The following SCAP variants were observed in gnomAD, a reference collection of about 807,000 sequenced individuals.
SCAP encodes the protein sterol regulatory element-binding protein cleavage-activating protein.
In SCAP, 65 loss-of-function variants were observed where a neutral mutation model predicts 123.6. The ratio of observed to expected loss-of-function variants is 0.53; its 90% confidence interval spans 0.43 to 0.65. The LOEUF (loss-of-function observed/expected upper bound fraction) is 0.65, where lower values mean the gene tolerates loss of function less well. SCAP is among the 30% of genes least tolerant of loss of function. The pLI is 0.00. For synonymous variants in SCAP, 740 were observed against 726.3 expected, an observed-to-expected ratio of 1.02 and a Z score of -0.30; for missense variants, 1,398 against 1,712.5, an observed-to-expected ratio of 0.82 and a Z score of 3.24.
intron 1 of SCAP, among the ~76,000 whole-genome samples, chr3:47,470,995 T>C (rs1445431861): frequency 6.6e-6 from 1 of 152,112 alleles, no homozygotes; most frequent in Non-Finnish European, 1.5e-5. Context: ...TTAAAGGATA[T>C]AGATGAAACA....
rs373322375 is a variant in SCAP, at chr3:47,434,655, T to A, written c.252+353A>T. 2.6e-5 allele frequency among the ~76,000 whole-genome samples: 4 copies of A among 152,204 alleles called. No homozygotes were observed. In the South Asian group the frequency reaches 8.3e-4, roughly 32 times the overall value. On this transcript the variant is annotated intron_variant, in intron 3 of 22. Transcript: ENST00000265565. ...GAGTTCGAGACCAGCTTGGCCAACA[T>A]AGTGAAACTCCATCTCTAATAAAAA...
intron 18 of SCAP, 83 bp from the exon 19 acceptor site, chr3:47,415,263 G>A (rs1705522677): frequency 1.5e-6 from 2 of 1,299,294 alleles, no homozygotes; most frequent in African/African-American, 1.5e-5. Flanking sequence ...AGAGTTAAGG[G>A]CCAGTTCAAG....
At chr3:47,414,154 A>T (rs1241576421) in intron 22 of SCAP, 26 bp downstream of exon 22, 1 of 1,613,424 alleles carries the variant, frequency 6.2e-7, no homozygotes, top group Non-Finnish European at 8.5e-7. Flanking sequence ...AAATCCCAAG[A>T]ATCCTATGAT....
intron 1 of SCAP, among the ~76,000 whole-genome samples, chr3:47,467,554 G>C (rs1379306908): frequency 2.6e-5 from 4 of 151,876 alleles, no homozygotes; most frequent in African/African-American, 9.7e-5. Flanking sequence ...GCAGTCAACT[G>C]TGATTGCGCC....
At position 47,419,215 on chromosome 3, in the gene SCAP, T is replaced by C. The variant is rs1705782230; in HGVS notation, c.1940+113A>G. ...CACCAGTTCCCACCTCACAACCTTA[T>C]GAACTGTTTTAATTATTTGCATAAT... On this transcript the variant is annotated intron_variant, in intron 13 of 22. Coordinates refer to ENST00000265565, the MANE Select transcript of SCAP (RefSeq NM_012235.4). This position sits in a 1 kb window ranked among gnomAD's most constrained non-coding sequence, Gnocchi z 5.0. 1.5e-6 allele frequency: 2 copies of C among 1,366,928 alleles called. No individual in the cohort carries two copies. The highest frequency in any genetic ancestry group is 1.5e-5 in the African/African-American group (1 of 68,680). 84.7% of individuals were successfully genotyped at this position (1,366,928 alleles called of 1,614,324 possible).
At chr3:47,414,493 C>G in intron 21 of SCAP, 79 bp downstream of exon 21, 1 of 1,597,464 alleles carries the variant, frequency 6.3e-7, no homozygotes, top group Non-Finnish European at 8.6e-7. Context: ...CCTGGAAGGC[C>G]CCTGGGGACC....
intron 1 of SCAP, among the ~76,000 whole-genome samples, chr3:47,468,565 G>T (rs560863885): frequency 6.6e-6 from 1 of 152,274 alleles, no homozygotes; most frequent in Non-Finnish European, 1.5e-5. Flanking sequence ...TGATAGGGTT[G>T]TTTGATTTTT....
At chr3:47,422,603 C>T (rs1705952959) in intron 9 of SCAP, 67 bp from the exon 10 acceptor site, 1 of 1,349,276 alleles carries the variant, frequency 7.4e-7, no homozygotes, top group Non-Finnish European at 1.0e-6. Context: ...CACACAACCT[C>T]ATGGGCCTCG....
At chr3:47,464,165 C>A (rs1707744129) in intron 1 of SCAP, among the ~76,000 whole-genome samples, 1 of 152,030 alleles carries the variant, frequency 6.6e-6, no homozygotes, top group South Asian at 2.1e-4. Context: ...ACAGGCGCTT[C>A]CCACTAAGCC....
Position 47,419,302 on chromosome 3 carries a change from G to A in SCAP, c.1940+26C>T. The A allele has an allele frequency of 1.3e-6, 2 of 1,585,982 alleles. No homozygotes were observed. Among genetic ancestry groups the A allele is most frequent in the Non-Finnish European group, 1.7e-6 (2 of 1,163,160 alleles). ...TGGTGAGTTGACACCATCGAGTGAG[G>A]TGGCACCTGGCACGGCCCAGCTCAC... is the stretch of plus-strand genomic sequence containing the variant. On this transcript the variant is annotated intron_variant, in intron 13 of 22. Transcript: ENST00000265565. The surrounding 1 kb of genome is among the most constrained non-coding windows in gnomAD (Gnocchi z 5.0).
intron 1 of SCAP, among the ~76,000 whole-genome samples, chr3:47,469,479 T>C (rs1240706699): frequency 6.6e-6 from 1 of 152,166 alleles, no homozygotes; most frequent in Non-Finnish European, 1.5e-5. Context: ...TTCCTCAGCT[T>C]CCCAAGTAGC....
chr3:47,438,372 G>C (rs1195070227), intron 2 of SCAP, among the ~76,000 whole-genome samples: 1 of 152,076 alleles, frequency 6.6e-6, no homozygotes, highest in Non-Finnish European at 1.5e-5. Context: ...GAATACAAAA[G>C]ATAATACTAC....
intron 2 of SCAP, among the ~76,000 whole-genome samples, chr3:47,436,379 C>A (rs1451755905): frequency 6.6e-6 from 1 of 152,164 alleles, no homozygotes; most frequent in Admixed American, 6.5e-5. Flanking sequence ...AGCCTGTAAT[C>A]CCAACACTTT....
intron 2 of SCAP, among the ~76,000 whole-genome samples, chr3:47,441,874 C>CTTTT (rs1160447716): frequency 3.8e-3 from 288 of 75,992 alleles, no homozygotes; most frequent in Non-Finnish European, 4.8e-3. Flanking sequence ...GTTCATCTTT[C>CTTTT]TTTTTTTTTT....
At position 47,418,938 on chromosome 3, in the gene SCAP, G is replaced by C. The variant is rs1006907750; in HGVS notation, c.1941-95C>G. On this transcript the variant is annotated intron_variant, in intron 13 of 22. Transcript: ENST00000265565. ...AGTCCTCTCCCTCCTCCCCAGGCAG[G>C]CCTCAGCTCCACCGGCCAGACTCTC... 6 of 1,296,596 alleles carry C rather than the reference G, an allele frequency of 4.6e-6. No individual in the cohort carries two copies. In the Admixed American group the frequency reaches 9.2e-5, roughly 20 times the overall value. The allele number at this position is 1,296,596 out of a possible 1,614,324, so 80.3% of individuals were successfully genotyped here. A position where few individuals can be genotyped will look rare whatever the true frequency, so the allele number is the denominator to read the frequency against.
chr3:47,435,108 C>G lies in SCAP; in HGVS notation c.152G>C (p.Gly51Ala). Residue 51 changes from glycine to alanine, a missense_variant, in exon 3 of 23, where the codon GGA (glycine) becomes GCA (alanine). Coordinates refer to ENST00000265565, the MANE Select transcript of SCAP (RefSeq NM_012235.4). Reference protein sequence around the residue: ...CYPLLKLPLPGTGPVEFTTPV... With the variant: ...CYPLLKLPLPATGPVEFTTPV... ...GGTGGTGAATTCCACAGGTCCTGTT[C>G]CTGGCAAGGGGAGTTTCAGCAGTGG... The G allele has an allele frequency of 6.2e-7, 1 of 1,613,968 alleles. No homozygotes were observed.
chr3:47,415,074 C>A, intron 19 of SCAP, 24 bp downstream of exon 19: 6 of 1,587,570 alleles, frequency 3.8e-6, no homozygotes, highest in Non-Finnish European at 5.1e-6. Context: ...AGTGTGAACA[C>A]CTGCCCACCC....
rs1705843608 is a variant in SCAP at position 47,420,493 on chromosome 3, C to T, written c.1563+61G>A. 1 of 1,438,092 alleles carries T rather than the reference C, an allele frequency of 7.0e-7. No homozygotes were observed. The allele number at this position is 1,438,092 out of a possible 1,614,324, so 89.1% of individuals were successfully genotyped here. A position where few individuals can be genotyped will look rare whatever the true frequency, so the allele number is the denominator to read the frequency against. On this transcript the variant is annotated intron_variant, in intron 12 of 22. Transcript: ENST00000265565. The surrounding 1 kb of genome is among the most constrained non-coding windows in gnomAD (Gnocchi z 5.0). ...CACTCTAAGGCCAAGTGCAGCACCACAAGGGGCCTGGAGCACCGGCCCTCC... is the reference window on the plus strand; with the variant it reads ...CACTCTAAGGCCAAGTGCAGCACCATAAGGGGCCTGGAGCACCGGCCCTCC...
At chr3:47,425,680 G>C (rs1308536299) in intron 7 of SCAP, 69 bp from the exon 8 acceptor site, 4 of 1,560,938 alleles carry the variant, frequency 2.6e-6, no homozygotes, top group African/African-American at 2.7e-5. Context: ...GCTCCCGGGA[G>C]TAGGTTGCCC....
Sources: gnomAD v4.1 joint callset for allele counts (sites outside exome capture counted in the v4.1 genomes callset) on GRCh38, gnomAD v4.1.1 for gene constraint, Gnocchi (gnomAD v3.1) non-coding constraint, MANE v1.5 for transcripts, NCBI Gene and HGNC (gene_info 2026-07-23, HGNC 2026-07-21) for gene names.